PLCB1: variants seen among roughly 807,000 people sequenced by gnomAD.
PLCB1 encodes phospholipase C beta 1, also known as 1-phosphatidylinositol 4,5-bisphosphate phosphodiesterase beta-1.
PLCB1 carries 46 observed loss-of-function variants against 161.8 expected under a neutral mutation model. The observed-to-expected ratio is 0.28, with a 90% CI of 0.22 to 0.36. The LOEUF (loss-of-function observed/expected upper bound fraction) is 0.36, where lower values mean the gene tolerates loss of function less well. Among genes scored for constraint, PLCB1 ranks in the 10% least tolerant of loss-of-function variants. The probability of loss-of-function intolerance (pLI) is 1.00; values close to 1 mark genes in which losing one functional copy is unlikely to be tolerated. For synonymous variants in PLCB1, 517 were observed against 503.7 expected (o/e 1.03, Z -0.35); for missense variants, 1,016 against 1,472.5 (o/e 0.69, Z 5.07).
At chr20:8,221,309 C>G (rs1979395468) in intron 2 of PLCB1, among the ~76,000 whole-genome samples, 1 of 152,116 alleles carries the variant, frequency 6.6e-6, no homozygotes, top group Non-Finnish European at 1.5e-5. Flanking sequence ...TAGCCTTTGT[C>G]ATCATGATGA....
At chr20:8,770,722 G>A (rs1261477879) in intron 26 of PLCB1, among the ~76,000 whole-genome samples, 1 of 152,184 alleles carries the variant, frequency 6.6e-6, no homozygotes, top group African/African-American at 2.4e-5. Flanking sequence ...ACAAATGGTT[G>A]CATTCTTCTG....
At chr20:8,155,010 C>T (rs990690601) in intron 2 of PLCB1, among the ~76,000 whole-genome samples, 4 of 152,000 alleles carry the variant, frequency 2.6e-5, no homozygotes, top group African/African-American at 9.7e-5. Context: ...GTTTTTAATC[C>T]ATATGTAATG....
At chr20:8,522,547 G>T (rs544357434) in intron 3 of PLCB1, among the ~76,000 whole-genome samples, 1 of 152,104 alleles carries the variant, frequency 6.6e-6, no homozygotes, top group East Asian at 1.9e-4. Context: ...AGAATGCAAC[G>T]CCCTTTTCTT....
chr20:8,186,544 T>A (rs2051908388), intron 2 of PLCB1, among the ~76,000 whole-genome samples: 1 of 152,166 alleles, frequency 6.6e-6, no homozygotes, highest in Non-Finnish European at 1.5e-5. Context: ...GTACAAAATG[T>A]CTTGCAAATC....
intron 3 of PLCB1, among the ~76,000 whole-genome samples, chr20:8,532,061 G>T (rs1984835712): frequency 6.6e-6 from 1 of 151,722 alleles, no homozygotes; most frequent in Admixed American, 6.6e-5. Flanking sequence ...GGTTTAGAGG[G>T]GCCTATTACC....
intron 3 of PLCB1, among the ~76,000 whole-genome samples, chr20:8,617,740 G>A (rs367978814): frequency 6.6e-6 from 1 of 152,084 alleles, no homozygotes; most frequent in Non-Finnish European, 1.5e-5. Context: ...ATCTTAGGTC[G>A]AAGTGGAATT....
chr20:8,532,328 C>A (rs913237544), intron 3 of PLCB1, among the ~76,000 whole-genome samples: 1 of 152,298 alleles, frequency 6.6e-6, no homozygotes, highest in South Asian at 2.1e-4. Context: ...CCGTTAAAAG[C>A]CCTGTCAGGT....
At chr20:8,287,574 A>G (rs1391506905) in intron 2 of PLCB1, among the ~76,000 whole-genome samples, 3 of 152,130 alleles carry the variant, frequency 2.0e-5, no homozygotes, top group Non-Finnish European at 2.9e-5. Context: ...GGCTGCCGAC[A>G]AGGCAGGCAT....
chr20:8,353,543 T>C (rs908485256), intron 2 of PLCB1, among the ~76,000 whole-genome samples: 22 of 152,044 alleles, frequency 1.4e-4, no homozygotes, highest in African/African-American at 5.1e-4. Flanking sequence ...ATCTCATCAG[T>C]ATTAAGTCAT....
intron 3 of PLCB1, among the ~76,000 whole-genome samples, chr20:8,477,453 G>A (rs963572366): frequency 6.6e-6 from 1 of 152,126 alleles, no homozygotes; most frequent in African/African-American, 2.4e-5. Context: ...AAAATAATAA[G>A]GAGAGAACAC....
At chr20:8,204,201 G>A (rs536072481) in intron 2 of PLCB1, among the ~76,000 whole-genome samples, 1 of 152,276 alleles carries the variant, frequency 6.6e-6, no homozygotes, top group African/African-American at 2.4e-5. Context: ...CATGAGCAAT[G>A]TGTCAAGGGA....
chr20:8,393,841 C>A (rs1186485837), intron 3 of PLCB1, among the ~76,000 whole-genome samples: 1 of 151,958 alleles, frequency 6.6e-6, no homozygotes, highest in Non-Finnish European at 1.5e-5. Context: ...ACTAGAACAC[C>A]AGTTTATGAG....
At chr20:8,508,715 C>T (rs1432709627) in intron 3 of PLCB1, among the ~76,000 whole-genome samples, 1 of 151,946 alleles carries the variant, frequency 6.6e-6, no homozygotes, top group East Asian at 1.9e-4. Flanking sequence ...AAAGCACTTC[C>T]ACGTAGAATG....
intron 2 of PLCB1, among the ~76,000 whole-genome samples, chr20:8,228,298 C>A (rs559940075): frequency 2.0e-5 from 3 of 152,214 alleles, no homozygotes; most frequent in South Asian, 2.1e-4. Context: ...AAGTACCCAC[C>A]TCCCCACTAT....
At chr20:8,292,832 A>AT (rs1018698148) in intron 2 of PLCB1, among the ~76,000 whole-genome samples, 1 of 152,204 alleles carries the variant, frequency 6.6e-6, no homozygotes, top group African/African-American at 2.4e-5. Context: ...TTATAACATT[A>AT]TTGTGAGCAT....
intron 3 of PLCB1, among the ~76,000 whole-genome samples, chr20:8,501,167 C>T: frequency 6.6e-6 from 1 of 152,184 alleles, no homozygotes; most frequent in Non-Finnish European, 1.5e-5. Flanking sequence ...CCATTCAAGA[C>T]CTGGAACAGA....
At chr20:8,486,786 C>T (rs959140767) in intron 3 of PLCB1, among the ~76,000 whole-genome samples, 1 of 152,160 alleles carries the variant, frequency 6.6e-6, no homozygotes, top group Non-Finnish European at 1.5e-5. Flanking sequence ...TGAGCCACCG[C>T]GCCCGGCCTC....
chr20:8,826,200 AG>A (rs1170884137), intron 31 of PLCB1, among the ~76,000 whole-genome samples: 2 of 152,180 alleles, frequency 1.3e-5, no homozygotes, highest in African/African-American at 4.8e-5. Flanking sequence ...AGCATGACAA[AG>A]AAAAGAAGGC....
intron 2 of PLCB1, among the ~76,000 whole-genome samples, chr20:8,319,784 A>T (rs1193024012): frequency 6.8e-6 from 1 of 147,522 alleles, no homozygotes; most frequent in Non-Finnish European, 1.5e-5. Flanking sequence ...CCACCAAGAC[A>T]TGGGAGTGAA....
Sources: gnomAD v4.1 joint callset for allele counts (sites outside exome capture counted in the v4.1 genomes callset) on GRCh38, gnomAD v4.1.1 for gene constraint, MANE v1.5 for transcripts, NCBI Gene and HGNC (gene_info 2026-07-23, HGNC 2026-07-21) for gene names.